Variants in EXD3 observed in about 807,000 individuals in gnomAD.
The protein encoded by EXD3 is exonuclease mut-7 homolog.
A neutral mutation model predicts 98.0 loss-of-function variants in EXD3; 92 were observed. The ratio of observed to expected loss-of-function variants is 0.94; its 90% CI spans 0.79 to 1.12. The LOEUF is 1.12. EXD3 is among the 50% of genes most tolerant of loss of function. The pLI is 0.00. For synonymous variants in EXD3, 569 were observed against 526.0 expected (o/e 1.08, Z -1.12); for missense variants, 1,222 against 1,191.6 (o/e 1.03, Z -0.38).
intron 3 of EXD3, among the ~76,000 whole-genome samples, chr9:137,376,586 A>AT (rs1835916765): frequency 6.6e-6 from 1 of 151,996 alleles, no homozygotes; most frequent in Admixed American, 6.6e-5. Flanking sequence ...TTCCAGGTAG[A>AT]TAAGGCACAG....
Position 137,349,110 on chromosome 9 carries a change from C to A in EXD3, c.1830G>T (p.Gln610His). ...QKASAPAAPRQVPVAVAVSEG... is the reference protein window; with the variant it reads ...QKASAPAAPRHVPVAVAVSEG... ...ACGGACCCTGCGGGGCTTCACCCAC[C>A]TGCCTGGGTGCGGCCGGTGCTGACG... The change falls in exon 16 of 22, where the codon CAG becomes CAT. Residue 610 changes from glutamine (Q) to histidine (H), a missense_variant and splice_region_variant. By Grantham distance (24) the Gln-to-His change is conservative. Transcript: ENST00000340951. This position sits in a 1 kb window ranked among gnomAD's most constrained non-coding sequence, Gnocchi z 7.4. The A allele has an allele frequency of 6.3e-7, 1 of 1,592,304 alleles. No homozygotes were observed. The highest frequency in any genetic ancestry group is 1.1e-5 in the South Asian group (1 of 90,200).
intron 1 of EXD3, among the ~76,000 whole-genome samples, chr9:137,410,900 G>C (rs112906430): frequency 2.0e-5 from 3 of 151,360 alleles, no homozygotes; most frequent in Non-Finnish European, 4.4e-5. Flanking sequence ...CCCAGCCCCC[G>C]GCCTCAGTGC....
At chr9:137,388,447 T>C (rs1219493481) in intron 2 of EXD3, among the ~76,000 whole-genome samples, 2 of 152,102 alleles carry the variant, frequency 1.3e-5, no homozygotes, top group African/African-American at 4.8e-5. Flanking sequence ...TGCCTTCACC[T>C]TGAGACACAG....
intron 19 of EXD3, among the ~76,000 whole-genome samples, chr9:137,317,337 T>G (rs1831736601): frequency 6.6e-6 from 1 of 152,144 alleles, no homozygotes; most frequent in African/African-American, 2.4e-5. Flanking sequence ...CCCTCCTGCG[T>G]GCACCCCTGG....
Position 137,354,835 on chromosome 9 carries a change from G to A in EXD3, c.758-62C>T, listed in dbSNP as rs1834533655. ...GGCAGCCTCACCACGGCCTCCTTCTGGGGCGGGCTGGAGACGGGCAGAGGG... is the reference window on the plus strand; with the variant it reads ...GGCAGCCTCACCACGGCCTCCTTCTAGGGCGGGCTGGAGACGGGCAGAGGG... On this transcript the variant is annotated intron_variant, in intron 8 of 21. Transcript: ENST00000340951. 4 of 1,523,134 alleles carry A rather than the reference G, an allele frequency of 2.6e-6. No homozygotes were observed. The Admixed American group carries it at 7.5e-5, about 29-fold the overall frequency. 94.4% of individuals were successfully genotyped at this position (1,523,134 alleles called of 1,614,324 possible). A position where few individuals can be genotyped will look rare whatever the true frequency, so the allele number is the denominator to read the frequency against.
chr9:137,373,666 A>G (rs1835755105), intron 3 of EXD3, 67 bp from the exon 4 acceptor site: 6 of 1,460,034 alleles, frequency 4.1e-6, no homozygotes, highest in Non-Finnish European at 5.5e-6. Flanking sequence ...AGGCCTCCCC[A>G]CCGCAGAGAG....
At chr9:137,314,478 G>A (rs905085385) in intron 19 of EXD3, among the ~76,000 whole-genome samples, 2 of 152,130 alleles carry the variant, frequency 1.3e-5, no homozygotes, top group Non-Finnish European at 2.9e-5. Context: ...TTAAAACCCA[G>A]TCTATCCCCG....
At chr9:137,339,496 C>CAAA (rs57029740) in intron 17 of EXD3, among the ~76,000 whole-genome samples, 31 of 92,620 alleles carry the variant, frequency 3.3e-4, no homozygotes, top group African/African-American at 9.9e-4. Context: ...GACGCCACTT[C>CAAA]AAAAAAAAAA....
At position 137,359,754 on chromosome 9, in the gene EXD3, G is replaced by A. The variant is rs1834951070; in HGVS notation, c.657-3386C>T. On this transcript the variant is annotated intron_variant, in intron 7 of 21. Coordinates refer to ENST00000340951, the MANE Select transcript of EXD3 (RefSeq NM_017820.5). ...CTCTGTCCACGCTGCTGAGTGTGAC[G>A]AGGTTCAGTCTCTCACAGCTGAGTT... Among the ~76,000 whole-genome samples the A allele has an allele frequency of 2.3e-5, 2 of 85,722 alleles. 1 individual carries two copies. Among genetic ancestry groups the A allele is most frequent in the African/African-American group, 6.5e-5 (2 of 30,872 alleles). 56.2% of individuals were successfully genotyped at this position (85,722 alleles called of 152,430 possible). A position where few individuals can be genotyped will look rare whatever the true frequency, so the allele number is the denominator to read the frequency against.
intron 7 of EXD3, chr9:137,365,875 GCACA>G (rs767064933): frequency 1.1e-5 from 4 of 356,942 alleles, no homozygotes; most frequent in East Asian, 1.5e-4. Flanking sequence ...AGATATACAT[GCACA>G]CACACACACC....
chr9:137,309,223 G>C (rs1267166129), intron 20 of EXD3, among the ~76,000 whole-genome samples: 3 of 152,172 alleles, frequency 2.0e-5, no homozygotes, highest in South Asian at 2.1e-4. Context: ...GGCCTTCCCT[G>C]GGGGGGTGGA....
chr9:137,378,645 C>A (rs1230284347), intron 3 of EXD3, among the ~76,000 whole-genome samples: 1 of 152,236 alleles, frequency 6.6e-6, no homozygotes, highest in African/African-American at 2.4e-5. Flanking sequence ...AGCATGTGGC[C>A]TGGCCACGTA....
At chr9:137,334,923 A>G (rs887814805) in intron 17 of EXD3, among the ~76,000 whole-genome samples, 4 of 151,902 alleles carry the variant, frequency 2.6e-5, no homozygotes, top group Admixed American at 6.6e-5. Flanking sequence ...TAAAAATACA[A>G]AAAATGAGCC....
rs796570516 is a variant in EXD3, at chr9:137,395,970, C to G, written c.-47-566G>C. Among the ~76,000 whole-genome samples, 1 of 140,758 alleles carries G rather than the reference C, an allele frequency of 7.1e-6. No individual in the cohort carries two copies. The highest frequency in any genetic ancestry group is 1.5e-5 in the Non-Finnish European group (1 of 64,576). The allele number at this position is 140,758 out of a possible 152,430, so 92.3% of individuals were successfully genotyped here. A position where few individuals can be genotyped will look rare whatever the true frequency, so the allele number is the denominator to read the frequency against. On this transcript the variant is annotated intron_variant, in intron 1 of 21. Coordinates refer to ENST00000340951, the MANE Select transcript of EXD3 (RefSeq NM_017820.5). The surrounding 1 kb of genome is among the most constrained non-coding windows in gnomAD (Gnocchi z 6.5). ...TTTTTTTTCTTTTCTTTCTTTCTTT[C>G]TTTTTTTTTTTTTTGGAGACAGAGT...
chr9:137,377,857 G>A (rs1272083971), intron 3 of EXD3, among the ~76,000 whole-genome samples: 1 of 136,874 alleles, frequency 7.3e-6, no homozygotes, highest in Non-Finnish European at 1.5e-5. Context: ...GCAGTGGTGC[G>A]ATCTTGGCTC....
At chr9:137,319,307 C>T (rs981310138) in intron 19 of EXD3, among the ~76,000 whole-genome samples, 19 of 152,232 alleles carry the variant, frequency 1.2e-4, no homozygotes, top group Admixed American at 3.9e-4. Flanking sequence ...TCTGCAGCTG[C>T]GTGGAGCTGG....
intron 19 of EXD3, among the ~76,000 whole-genome samples, chr9:137,311,166 G>C (rs1588215333): frequency 6.6e-6 from 1 of 152,208 alleles, no homozygotes; most frequent in African/African-American, 2.4e-5. Context: ...GCCAGGCTGG[G>C]CTAGGGAGAC....
intron 2 of EXD3, among the ~76,000 whole-genome samples, chr9:137,388,825 T>TAGAAG (rs1324720674): frequency 6.6e-6 from 1 of 152,110 alleles, no homozygotes; most frequent in African/African-American, 2.4e-5. Flanking sequence ...GCAGTGAGTG[T>TAGAAG]AGAAGAGCCC....
Position 137,366,642 on chromosome 9 carries a change from G to A in EXD3, c.517-10C>T, listed in dbSNP as rs372548998. On this transcript the variant is annotated splice_polypyrimidine_tract_variant and intron_variant, in intron 6 of 21. Coordinates refer to ENST00000340951, the MANE Select transcript of EXD3 (RefSeq NM_017820.5). ...GCAGTGGGATGCTCATCTGCAGGGGGACACACGGTCAGGCCACAGCCTCCG... is the reference window on the plus strand; with the variant it reads ...GCAGTGGGATGCTCATCTGCAGGGGAACACACGGTCAGGCCACAGCCTCCG... 9 of 1,556,474 alleles carry A rather than the reference G, an allele frequency of 5.8e-6. No individual in the cohort carries two copies. Among genetic ancestry groups the A allele is most frequent in the Admixed American group, 5.8e-5 (3 of 51,994 alleles).
Sources: allele counts gnomAD v4.1 joint callset (sites outside exome capture counted in the v4.1 genomes callset), GRCh38; gene constraint gnomAD v4.1.1; non-coding constraint Gnocchi (gnomAD v3.1); transcripts MANE v1.5; gene names NCBI Gene and HGNC (gene_info 2026-07-23, HGNC 2026-07-21).